Variants in PTK6 observed in about 807,000 individuals in gnomAD.
PTK6 encodes protein tyrosine kinase 6, also known as protein-tyrosine kinase 6.
Under a neutral mutation model 47.5 loss-of-function variants are expected in PTK6, and 47 were observed. The observed-to-expected ratio is 0.99, with a 90% CI of 0.78 to 1.26. The LOEUF (loss-of-function observed/expected upper bound fraction) is 1.26. Ranked by LOEUF, PTK6 falls within the 50% of genes most tolerant of loss-of-function variation. The pLI is 0.00. For missense variants in PTK6, 618 were observed against 625.3 expected (o/e 0.99, Z 0.12); for synonymous variants, 287 against 276.5 (o/e 1.04, Z -0.38).
At chr20:63,534,051 G>C (rs1422124787) in intron 3 of PTK6, 101 bp downstream of exon 3, 18 of 1,397,868 alleles carry the variant, frequency 1.3e-5, no homozygotes, top group Non-Finnish European at 1.7e-5. Context: ...AGTGAGTCAG[G>C]ACCCCTCCCA....
intron 2 of PTK6, among the ~76,000 whole-genome samples, chr20:63,534,715 C>A (rs1293966425): frequency 6.6e-6 from 1 of 152,096 alleles, no homozygotes; most frequent in East Asian, 1.9e-4. Context: ...TGGAGAAGCC[C>A]CTGCCCTCCC....
rs569573806 is a variant in PTK6, at chr20:63,530,310, G to A, written c.1015-79C>T. 9.0e-6 allele frequency: 14 copies of A among 1,548,492 alleles called. No individual in the cohort carries two copies. Among genetic ancestry groups the A allele is most frequent in the Admixed American group, 8.7e-5 (5 of 57,756 alleles). ...CGAAGCATGGACGGGCACAGCGGCC[G>A]CATTGCCCCAGCAGTGGGACGGTGA... On this transcript the variant is annotated intron_variant, in intron 6 of 7. Transcript: ENST00000542869. This position sits in a 1 kb window ranked among gnomAD's most constrained non-coding sequence, Gnocchi z 4.1.
intron 1 of PTK6, among the ~76,000 whole-genome samples, chr20:63,536,223 C>T (rs1298959098): frequency 3.7e-5 from 4 of 108,516 alleles, no homozygotes; most frequent in African/African-American, 1.5e-4. Context: ...TGGGCGAGTT[C>T]TCAGGACTCA....
Position 63,529,855 on chromosome 20 carries a change from G to A in PTK6, c.1169-132C>T. On this transcript the variant is annotated intron_variant, in intron 7 of 7. Coordinates refer to ENST00000542869, the MANE Select transcript of PTK6 (RefSeq NM_005975.4). The surrounding 1 kb of genome is among the most constrained non-coding windows in gnomAD (Gnocchi z 5.6). ...AGCTGCCATGCCTTGGCGCCACCCA[G>A]CACACTGTCCACTGCTAACACCTCC... 1 of 1,158,362 alleles carries A rather than the reference G, an allele frequency of 8.6e-7. No individual in the cohort carries two copies. The allele number at this position is 1,158,362 out of a possible 1,614,324, so 71.8% of individuals were successfully genotyped here. A position where few individuals can be genotyped will look rare whatever the true frequency, so the allele number is the denominator to read the frequency against.
At chr20:63,535,773 CT>C (rs1408230018) in intron 1 of PTK6, among the ~76,000 whole-genome samples, 2 of 110,326 alleles carry the variant, frequency 1.8e-5, no homozygotes, top group Non-Finnish European at 3.6e-5. Flanking sequence ...CGCCCCCCCC[CT>C]CACCTGGCCT....
rs752090830 is a variant in PTK6 at position 63,529,986 on chromosome 20, G to A, written c.1168+92C>T. 30 of 1,477,148 alleles carry A rather than the reference G, an allele frequency of 2.0e-5. No individual in the cohort carries two copies. The highest frequency in any genetic ancestry group is 1.4e-4 in the East Asian group (6 of 42,756). The allele number at this position is 1,477,148 out of a possible 1,614,324, so 91.5% of individuals were successfully genotyped here. A position where few individuals can be genotyped will look rare whatever the true frequency, so the allele number is the denominator to read the frequency against. ...TGGCCCGCGGAGGGCCCTGAAGCCC[G>A]TGGGGGAGGCACCCCCCAGCGTCCC... On this transcript the variant is annotated intron_variant, in intron 7 of 7. Transcript: ENST00000542869. The surrounding 1 kb of genome is among the most constrained non-coding windows in gnomAD (Gnocchi z 5.6).
At position 63,530,172 on chromosome 20, in the gene PTK6, C is replaced by T. The variant is rs781029414; in HGVS notation, c.1074G>A (p.Ala358=). The change falls in exon 7 of 8, where the codon GCG becomes GCA. Residue 358 remains alanine (A), a synonymous_variant. Coordinates refer to ENST00000542869, the MANE Select transcript of PTK6 (RefSeq NM_005975.4). The surrounding 1 kb of genome is among the most constrained non-coding windows in gnomAD (Gnocchi z 4.1). ...TGGTGGAGTAATGGCCTCGGGAGAG[C>T]GCTTCAGGGGCCGTCCACTTGTAGG... ...NIPYKWTAPE[A]LSRGHYSTKS... is the part of the protein sequence containing the mutation. The T allele has an allele frequency of 1.9e-5, 30 of 1,613,938 alleles. No homozygotes were observed. The highest frequency in any genetic ancestry group is 1.4e-4 in the South Asian group (13 of 91,096).
chr20:63,529,489 C>G lies in PTK6; in HGVS notation c.*47G>C. 6.7e-7 allele frequency: 1 copy of G among 1,496,620 alleles called. No homozygotes were observed. Among genetic ancestry groups the G allele is most frequent in the Non-Finnish European group, 8.9e-7 (1 of 1,122,780 alleles). 92.7% of individuals were successfully genotyped at this position (1,496,620 alleles called of 1,614,324 possible). ...TTGATCCCAGGTCCAGGCCCTCTGC[C>G]CAGGCCCCTCCTCAGCAGGGCCCGG... On this transcript the variant is annotated 3_prime_UTR_variant, in exon 8 of 8. Transcript: ENST00000542869. The surrounding 1 kb of genome is among the most constrained non-coding windows in gnomAD (Gnocchi z 5.6).
chr20:63,533,302 G>T lies in PTK6; in HGVS notation c.670+249C>A, dbSNP rs982149566. Among the ~76,000 whole-genome samples, 8 of 152,068 alleles carry T rather than the reference G, an allele frequency of 5.3e-5. No individual in the cohort carries two copies. The highest frequency in any genetic ancestry group is 1.0e-4 in the Non-Finnish European group (7 of 68,014). ...AGGCTGGTCTCAAACTCCTGACCTC[G>T]TGATCCGCCCACCTTGGCTTCCCAA... On this transcript the variant is annotated intron_variant, in intron 4 of 7. Transcript: ENST00000542869. This position sits in a 1 kb window ranked among gnomAD's most constrained non-coding sequence, Gnocchi z 4.0.
Position 63,531,447 on chromosome 20 carries a change from T to G in PTK6, c.833-520A>C, listed in dbSNP as rs1383350281. On this transcript the variant is annotated intron_variant, in intron 5 of 7. Coordinates refer to ENST00000542869, the MANE Select transcript of PTK6 (RefSeq NM_005975.4). ...AAAAAAAAAAAAAAAAATATATATA[T>G]ATATATATATATATATAATTAGCTG... Among the ~76,000 whole-genome samples the G allele has an allele frequency of 8.7e-4, 90 of 103,324 alleles. 2 individuals carry two copies. Among genetic ancestry groups the G allele is most frequent in the Non-Finnish European group, 1.5e-3 (83 of 56,024 alleles). The allele number at this position is 103,324 out of a possible 152,430, so 67.8% of individuals were successfully genotyped here. A position where few individuals can be genotyped will look rare whatever the true frequency, so the allele number is the denominator to read the frequency against.
chr20:63,531,313 C>T (rs978757149), intron 5 of PTK6, among the ~76,000 whole-genome samples: 42 of 148,500 alleles, frequency 2.8e-4, no homozygotes, highest in South Asian at 6.4e-4. Context: ...CCCAGCTACT[C>T]GGGAGGCTGA....
At position 63,533,838 on chromosome 20, in the gene PTK6, C is replaced by CT. The variant is rs1367640388; in HGVS notation, c.517-135dup. 1.5e-6 allele frequency: 2 copies of CT among 1,295,538 alleles called. No individual in the cohort carries two copies. Among genetic ancestry groups the CT allele is most frequent in the East Asian group, 5.0e-5 (2 of 40,240 alleles). The allele number at this position is 1,295,538 out of a possible 1,614,324, so 80.3% of individuals were successfully genotyped here. A position where few individuals can be genotyped will look rare whatever the true frequency, so the allele number is the denominator to read the frequency against. On this transcript the variant is annotated intron_variant, in intron 3 of 7. Transcript: ENST00000542869. The surrounding 1 kb of genome is among the most constrained non-coding windows in gnomAD (Gnocchi z 4.0). ...GCCTGGGTTGGGGGTTTCTGAGTGT[C>CT]TGACACAAGGGTGGACTCTCCTGGG...
rs1170854918 is a variant in PTK6 at position 63,537,373 on chromosome 20, G to C, written c.-59C>G. Reference sequence around the variant, plus strand: ...GCCCAGCTGGAGCACCCAGAGCTGGGCGTGGCAGGCGGGCCGTCCCACTTC... The same window carrying C: ...GCCCAGCTGGAGCACCCAGAGCTGGCCGTGGCAGGCGGGCCGTCCCACTTC... On this transcript the variant is annotated 5_prime_UTR_variant, in exon 1 of 8. Transcript: ENST00000542869. 1.4e-6 allele frequency: 2 copies of C among 1,421,152 alleles called. No homozygotes were observed. The highest frequency in any genetic ancestry group is 2.8e-5 in the African/African-American group (2 of 70,446). The allele number at this position is 1,421,152 out of a possible 1,614,324, so 88.0% of individuals were successfully genotyped here. A position where few individuals can be genotyped will look rare whatever the true frequency, so the allele number is the denominator to read the frequency against.
At chr20:63,531,437 A>ATATAT (rs1555885798) in intron 5 of PTK6, among the ~76,000 whole-genome samples, 3 of 94,928 alleles carry the variant, frequency 3.2e-5, no homozygotes, top group Non-Finnish European at 5.6e-5. Context: ...AAAAAAAAAA[A>ATATAT]ATATATATAT....
Position 63,533,848 on chromosome 20 carries a change from G to A in PTK6, c.517-144C>T, listed in dbSNP as rs543195910. On this transcript the variant is annotated intron_variant, in intron 3 of 7. Transcript: ENST00000542869. This position sits in a 1 kb window ranked among gnomAD's most constrained non-coding sequence, Gnocchi z 4.0. ...GGGGTTTCTGAGTGTCTGACACAAGGGTGGACTCTCCTGGGGGCTGCCCCC... is the reference window on the plus strand; with the variant it reads ...GGGGTTTCTGAGTGTCTGACACAAGAGTGGACTCTCCTGGGGGCTGCCCCC... 2 of 1,230,674 alleles carry A rather than the reference G, an allele frequency of 1.6e-6. No individual in the cohort carries two copies. The highest frequency in any genetic ancestry group is 2.2e-6 in the Non-Finnish European group (2 of 906,870). The allele number at this position is 1,230,674 out of a possible 1,614,324, so 76.2% of individuals were successfully genotyped here. A position where few individuals can be genotyped will look rare whatever the true frequency, so the allele number is the denominator to read the frequency against.
In PTK6 at chr20:63,529,551, G is replaced by A. The variant is rs55745805; in HGVS notation, c.1341C>T (p.Tyr447=). The part of the protein sequence containing the change: ...LRERLSSFTS[Y]ENPT ...CCACAGCAGCTCAGGTCGGGTTCTC[G>A]TAGCTGGTGAAGCTGGAGAGCCTCT... The change falls in exon 8 of 8, where the codon TAC becomes TAT. Residue 447 remains tyrosine, a synonymous_variant. Coordinates refer to ENST00000542869, the MANE Select transcript of PTK6 (RefSeq NM_005975.4). The surrounding 1 kb of genome is among the most constrained non-coding windows in gnomAD (Gnocchi z 5.6). 50 of 1,571,448 alleles carry A rather than the reference G, an allele frequency of 3.2e-5. No homozygotes were observed. The highest frequency in any genetic ancestry group is 1.7e-4 in the Middle Eastern group (1 of 6,044).
Position 63,530,654 on chromosome 20 carries a change from C to T in PTK6, c.1014+92G>A. 6.9e-7 allele frequency: 1 copy of T among 1,458,896 alleles called. No individual in the cohort carries two copies. The highest frequency in any genetic ancestry group is 2.4e-5 in the East Asian group (1 of 41,652). 90.4% of individuals were successfully genotyped at this position (1,458,896 alleles called of 1,614,324 possible). A position where few individuals can be genotyped will look rare whatever the true frequency, so the allele number is the denominator to read the frequency against. On this transcript the variant is annotated intron_variant, in intron 6 of 7. Transcript: ENST00000542869. This position sits in a 1 kb window ranked among gnomAD's most constrained non-coding sequence, Gnocchi z 4.1. ...CGAGGGCAGGGGCCGCATCCTGCTC[C>T]CAGCCGAGTCCCCAGCTCCACACAC...
Position 63,533,807 on chromosome 20 carries a change from C to T in PTK6, c.517-103G>A, listed in dbSNP as rs1490723051. The T allele has an allele frequency of 5.5e-6, 8 of 1,460,804 alleles. No homozygotes were observed. The highest frequency in any genetic ancestry group is 7.3e-6 in the Non-Finnish European group (8 of 1,092,418). 90.5% of individuals were successfully genotyped at this position (1,460,804 alleles called of 1,614,324 possible). A position where few individuals can be genotyped will look rare whatever the true frequency, so the allele number is the denominator to read the frequency against. ...GGATTTAGCCTCAGATTTAGGGCCA[C>T]GATCAGCCTGGGTTGGGGGTTTCTG... On this transcript the variant is annotated intron_variant, in intron 3 of 7. Transcript: ENST00000542869. The surrounding 1 kb of genome is among the most constrained non-coding windows in gnomAD (Gnocchi z 4.0).
chr20:63,530,761 T>C lies in PTK6; in HGVS notation c.999A>G (p.Leu333=). 6.2e-7 allele frequency: 1 copy of C among 1,613,880 alleles called. No homozygotes were observed. The highest frequency in any genetic ancestry group is 1.1e-5 in the South Asian group (1 of 91,060). Residue 333 remains leucine, a synonymous_variant, in exon 6 of 8, where the codon TTA becomes TTG. Coordinates refer to ENST00000542869, the MANE Select transcript of PTK6 (RefSeq NM_005975.4). This position sits in a 1 kb window ranked among gnomAD's most constrained non-coding sequence, Gnocchi z 4.1. ...AGGGCCCTACCTTGATAAGCCTGGC[T>C]AACCCGAAGTCCCCAACTTTGCAGA... is the stretch of plus-strand genomic sequence containing the variant. ...NTLCKVGDFG[L]ARLIKEDVYL...
Sources: allele counts gnomAD v4.1 joint callset (sites outside exome capture counted in the v4.1 genomes callset), GRCh38; gene constraint gnomAD v4.1.1; non-coding constraint Gnocchi (gnomAD v3.1); transcripts MANE v1.5; gene names NCBI Gene and HGNC (gene_info 2026-07-23, HGNC 2026-07-21).